Variants in PRKAR1A observed in about 807,000 individuals in gnomAD.
The protein encoded by PRKAR1A is protein kinase cAMP-dependent type I regulatory subunit alpha, also known as cAMP-dependent protein kinase type I-alpha regulatory subunit.
In PRKAR1A, 3 loss-of-function variants were observed where a neutral mutation model predicts 52.0. The observed-to-expected ratio is 0.06, with a 90% confidence interval of 0.03 to 0.15. PRKAR1A has a LOEUF of 0.15. Ranked by LOEUF, PRKAR1A falls within the 10% of genes least tolerant of loss-of-function variation. The probability of loss-of-function intolerance (pLI) is 1.00; values close to 1 mark genes in which losing one functional copy is unlikely to be tolerated. For missense variants in PRKAR1A, 240 were observed against 477.4 expected, an observed-to-expected ratio of 0.50 and a Z score of 4.63; for synonymous variants, 188 against 168.4, an observed-to-expected ratio of 1.12 and a Z score of -0.90.
downstream of PRKAR1A, chr17:68,535,633 T>G: frequency 2.2e-6 from 1 of 454,032 alleles, no homozygotes; most frequent in South Asian, 1.6e-5. Flanking sequence ...TCTTTGGGAT[T>G]AAGGTTTCTC....
the PRKAR1A span, among the ~76,000 whole-genome samples, chr17:68,418,444 GACA>G: frequency 0.21 from 32,560 of 152,058 alleles, 3,712 homozygotes; most frequent in Middle Eastern, 0.3. Flanking sequence ...TGTAGGCAAA[GACA>G]ACAACTATTA....
chr17:68,448,647 T>C, the PRKAR1A span, among the ~76,000 whole-genome samples: 17 of 152,170 alleles, frequency 1.1e-4, no homozygotes, highest in South Asian at 2.1e-4. Flanking sequence ...GCAAATACAA[T>C]AGACGCTATT....
chr17:68,437,154 C>T, the PRKAR1A span, among the ~76,000 whole-genome samples: 76 of 152,080 alleles, frequency 5.0e-4, no homozygotes, highest in African/African-American at 1.8e-3. Context: ...ATAAATCTTC[C>T]TATAGTGAAA....
rs546129144 is a variant in PRKAR1A, at chr17:68,516,788, G to A, written c.177+1212G>A. ...GTTGCTTTGCTGTCTTGGAATTATA[G>A]TAGATATTCTGGCTTTCTCTTATTT... On this transcript the variant is annotated intron_variant, in intron 2 of 10. Transcript: ENST00000589228. 7.2e-5 allele frequency among the ~76,000 whole-genome samples: 11 copies of A among 151,862 alleles called. No individual in the cohort carries two copies. The South Asian group carries it at 2.3e-3, about 32-fold the overall frequency.
the PRKAR1A span, among the ~76,000 whole-genome samples, chr17:68,430,717 T>C: frequency 0.052 from 7,982 of 152,218 alleles, 707 homozygotes; most frequent in African/African-American, 0.18. Flanking sequence ...TCGCCTACAG[T>C]CATGGAACTT....
the PRKAR1A span, among the ~76,000 whole-genome samples, chr17:68,486,239 GACATAT>G: frequency 2.6e-5 from 4 of 151,926 alleles, no homozygotes; most frequent in Non-Finnish European, 4.4e-5. Flanking sequence ...AGGAGTCTTG[GACATAT>G]ACATGGCTTT....
chr17:68,492,544 C>T, the PRKAR1A span, among the ~76,000 whole-genome samples: 9 of 152,150 alleles, frequency 5.9e-5, no homozygotes, highest in Non-Finnish European at 1.2e-4. Context: ...GGTTGAATGC[C>T]TGCAGCTGAA....
At chr17:68,541,173 C>T in intron 11 of PRKAR1A, 3 of 586,528 alleles carry the variant, frequency 5.1e-6, no homozygotes, top group Non-Finnish European at 8.8e-6. Flanking sequence ...GTCTGGTGGA[C>T]ACTAAACCCA....
chr17:68,427,332 G>A, the PRKAR1A span: 2 of 1,069,106 alleles, frequency 1.9e-6, no homozygotes, highest in Non-Finnish European at 2.9e-6. Context: ...GGAAAAGCAT[G>A]AAGAAGCCTG....
chr17:68,472,416 T>C, the PRKAR1A span, among the ~76,000 whole-genome samples: 1 of 152,318 alleles, frequency 6.6e-6, no homozygotes, highest in East Asian at 1.9e-4. Context: ...GAGTCTTCAC[T>C]GCACTACCAA....
the PRKAR1A span, among the ~76,000 whole-genome samples, chr17:68,451,060 C>T: frequency 6.6e-6 from 1 of 152,232 alleles, no homozygotes; most frequent in African/African-American, 2.4e-5. Flanking sequence ...TCCACCATGC[C>T]CCCCACCCTG....
chr17:68,540,492 G>C (rs146701149), intron 11 of PRKAR1A: 56 of 473,262 alleles, frequency 1.2e-4, no homozygotes, highest in African/African-American at 8.8e-4. Context: ...GTGTGTCCGT[G>C]GCCTCGCCTG....
chr17:68,537,250 G>A, downstream of PRKAR1A: 1 of 691,476 alleles, frequency 1.4e-6, no homozygotes, highest in Non-Finnish European at 2.6e-6. This position sits in a 1 kb window ranked among gnomAD's most constrained non-coding sequence, Gnocchi z 4.2. Flanking sequence ...GATGAAGCCA[G>A]TGCTTTTTGG....
At chr17:68,429,414 G>C in the PRKAR1A span, among the ~76,000 whole-genome samples, 26 of 152,238 alleles carry the variant, frequency 1.7e-4, no homozygotes, top group East Asian at 5.0e-3. Flanking sequence ...CTAGAAAACA[G>C]ATCTGGAGGC....
intron 2 of PRKAR1A, among the ~76,000 whole-genome samples, chr17:68,518,097 C>T (rs747808219): frequency 8.5e-5 from 13 of 152,242 alleles, no homozygotes; most frequent in Admixed American, 2.0e-4. Flanking sequence ...TGGGCAGCTC[C>T]GCCCCTGTGG....
the PRKAR1A span, among the ~76,000 whole-genome samples, chr17:68,490,326 T>C: frequency 6.6e-6 from 1 of 152,250 alleles, no homozygotes; most frequent in African/African-American, 2.4e-5. Flanking sequence ...CCTGGCTTTT[T>C]GTACCTTTGG....
the PRKAR1A span, chr17:68,421,711 C>T: frequency 1.2e-6 from 2 of 1,611,734 alleles, no homozygotes; most frequent in Non-Finnish European, 1.7e-6. Flanking sequence ...CTTCCGCCTT[C>T]CTTGTTTTCT....
At chr17:68,457,324 G>A in the PRKAR1A span, 4 of 1,541,974 alleles carry the variant, frequency 2.6e-6, no homozygotes, top group South Asian at 3.6e-5. Flanking sequence ...CCCTGGCAGG[G>A]GCCGAGTCGC....
the PRKAR1A span, among the ~76,000 whole-genome samples, chr17:68,503,769 C>A: frequency 7.9e-5 from 12 of 152,244 alleles, no homozygotes; most frequent in East Asian, 2.3e-3. Context: ...ATGCAAATGG[C>A]AAACAGGCAT....
Sources: gnomAD v4.1 joint callset for allele counts (sites outside exome capture counted in the v4.1 genomes callset) on GRCh38, gnomAD v4.1.1 for gene constraint, Gnocchi (gnomAD v3.1) non-coding constraint, MANE v1.5 for transcripts, NCBI Gene and HGNC (gene_info 2026-07-23, HGNC 2026-07-21) for gene names.